The following MIEF1 variants were observed in gnomAD, a reference collection of about 807,000 sequenced individuals.
MIEF1 encodes the protein mitochondrial dynamics protein MIEF1.
Under a neutral mutation model 35.1 loss-of-function variants are expected in MIEF1, and 14 were observed. That is an observed-to-expected ratio of 0.40 (90% confidence interval 0.26 to 0.62). The LOEUF (loss-of-function observed/expected upper bound fraction) is 0.62. Among genes scored for constraint, MIEF1 ranks in the 20% least tolerant of loss-of-function variants. MIEF1 has a pLI of 0.43. For missense variants in MIEF1, 542 were observed against 615.4 expected, an observed-to-expected ratio of 0.88 and a Z score of 1.26; for synonymous variants, 245 against 254.3, an observed-to-expected ratio of 0.96 and a Z score of 0.35.
chr22:39,513,950 G>A lies in MIEF1; in HGVS notation c.1019G>A (p.Ser340Asn). 6.2e-7 allele frequency: 1 copy of A among 1,613,362 alleles called. No homozygotes were observed. Among genetic ancestry groups the A allele is most frequent in the Non-Finnish European group, 8.5e-7 (1 of 1,180,018 alleles). Reference protein sequence around the residue: ...LAQYDNLWRLSLRPAETARLR... With the variant: ...LAQYDNLWRLNLRPAETARLR... Reference sequence around the variant, plus strand: ...CAGTATGACAACCTGTGGCGGCTGAGCCTGCGTCCCGCGGAGACGGCACGC... The same window carrying A: ...CAGTATGACAACCTGTGGCGGCTGAACCTGCGTCCCGCGGAGACGGCACGC... Residue 340 changes from serine (S) to asparagine (N), a missense_variant, in exon 6 of 6, where the codon AGC (serine) becomes AAC (asparagine). Ser to Asn is a conservative substitution (Grantham distance 46). Transcript: ENST00000325301.
chr22:39,512,649 ATTC>A lies in MIEF1; in HGVS notation c.585+158_585+160del, dbSNP rs1930416199. ...CAGCATTTGGAGATCCATGCTTGTT[ATTC>A]TTTTTTTTTTTTGAGACGGAGTCTC... On this transcript the variant is annotated intron_variant, in intron 5 of 5. Coordinates refer to ENST00000325301, the MANE Select transcript of MIEF1 (RefSeq NM_019008.6). Among the ~76,000 whole-genome samples the A allele has an allele frequency of 2.0e-5, 3 of 151,718 alleles. No individual in the cohort carries two copies. In the South Asian group the frequency reaches 6.2e-4, roughly 31 times the overall value.
chr22:39,503,192 T>TG (rs1180016994), intron 1 of MIEF1: 1 of 152,124 alleles, frequency 6.6e-6, no homozygotes, highest in Non-Finnish European at 1.5e-5. Flanking sequence ...CAGGCAGAGT[T>TG]GGGGTCAGGA....
chr22:39,511,541 T>C, intron 3 of MIEF1, 103 bp downstream of exon 3: 1 of 1,422,534 alleles, frequency 7.0e-7, no homozygotes, highest in South Asian at 1.6e-5. Flanking sequence ...GAGGAAATGA[T>C]CGCAATGATA....
intron 2 of MIEF1, among the ~76,000 whole-genome samples, chr22:39,510,259 A>G (rs1323283017): frequency 6.6e-6 from 1 of 151,506 alleles, no homozygotes; most frequent in African/African-American, 2.4e-5. Context: ...TGCCCGGCCC[A>G]TTTTGTTTTT....
At chr22:39,504,159 TTA>T (rs1255014656) in intron 1 of MIEF1, 42 bp from the exon 2 acceptor site, 1 of 398,514 alleles carries the variant, frequency 2.5e-6, no homozygotes, top group Admixed American at 4.4e-5. Flanking sequence ...CCTTTTGTTA[TTA>T]ATTCTGATAC....
intron 2 of MIEF1, among the ~76,000 whole-genome samples, chr22:39,510,871 G>A (rs752239104): frequency 1.9e-4 from 29 of 149,036 alleles, no homozygotes; most frequent in Non-Finnish European, 3.4e-4. Context: ...CTGTGAAGGG[G>A]TAGAGACCTG....
At position 39,504,404 on chromosome 22, in the gene MIEF1, C is replaced by T. The variant is rs539322603; in HGVS notation, c.-138C>T. 55 of 398,984 alleles carry T rather than the reference C, an allele frequency of 1.4e-4. No individual in the cohort carries two copies. Among genetic ancestry groups the T allele is most frequent in the African/African-American group, 1.0e-3 (51 of 48,714 alleles). 24.7% of individuals were successfully genotyped at this position (398,984 alleles called of 1,614,324 possible). On this transcript the variant is annotated 5_prime_UTR_variant, in exon 2 of 6. Coordinates refer to ENST00000325301, the MANE Select transcript of MIEF1 (RefSeq NM_019008.6). The stretch of plus-strand genomic sequence containing the variant: ...CCCGGGAGAGGCAGCTGGAGAAGGG[C>T]CTGGTCTTTCTCAACGGCAAATTGG...
In MIEF1 at chr22:39,514,611, C is replaced by T; in HGVS notation, c.*288C>T. 2.2e-6 allele frequency: 1 copy of T among 451,628 alleles called. No individual in the cohort carries two copies. The highest frequency in any genetic ancestry group is 4.0e-6 in the Non-Finnish European group (1 of 249,862). 28.0% of individuals were successfully genotyped at this position (451,628 alleles called of 1,614,324 possible). On this transcript the variant is annotated 3_prime_UTR_variant, in exon 6 of 6. Coordinates refer to ENST00000325301, the MANE Select transcript of MIEF1 (RefSeq NM_019008.6). Reference sequence around the variant, plus strand: ...TGGCGTGCTGGCCTGAGCTGATGGACCACTTGGTGTTTTGCGTTTTGGCCC... The same window carrying T: ...TGGCGTGCTGGCCTGAGCTGATGGATCACTTGGTGTTTTGCGTTTTGGCCC...
intron 2 of MIEF1, among the ~76,000 whole-genome samples, chr22:39,507,120 T>G (rs1930053005): frequency 6.6e-6 from 1 of 152,204 alleles, no homozygotes; most frequent in Admixed American, 6.5e-5. Context: ...TGAATTAACT[T>G]TTCAAGTAAG....
rs900775565 is a variant in MIEF1 at position 39,504,223 on chromosome 22, A to G, written c.-319A>G. On this transcript the variant is annotated 5_prime_UTR_variant, in exon 2 of 6. Transcript: ENST00000325301. ...TATAGTGTGACACCCAGCCCCTGCC[A>G]GTCCCCCATGGCCCCGTGGAGCCGA... is the stretch of plus-strand genomic sequence containing the variant. 3.0e-5 allele frequency: 12 copies of G among 399,332 alleles called. No homozygotes were observed. The highest frequency in any genetic ancestry group is 5.3e-5 in the Non-Finnish European group (12 of 226,374). The allele number at this position is 399,332 out of a possible 1,614,324, so 24.7% of individuals were successfully genotyped here. A position where few individuals can be genotyped will look rare whatever the true frequency, so the allele number is the denominator to read the frequency against.
chr22:39,515,377 G>T lies in MIEF1; in HGVS notation c.*1054G>T. The T allele has an allele frequency of 1.4e-6, 1 of 716,154 alleles. No individual in the cohort carries two copies. The highest frequency in any genetic ancestry group is 1.5e-5 in the South Asian group (1 of 67,428). The allele number at this position is 716,154 out of a possible 1,614,324, so 44.4% of individuals were successfully genotyped here. A position where few individuals can be genotyped will look rare whatever the true frequency, so the allele number is the denominator to read the frequency against. The stretch of plus-strand genomic sequence containing the variant: ...CAGACAGGCCCTGCTTTTCTAGGAT[G>T]TGGCCTTAGAGCAAGAACAGACCCA... On this transcript the variant is annotated 3_prime_UTR_variant, in exon 6 of 6. Coordinates refer to ENST00000325301, the MANE Select transcript of MIEF1 (RefSeq NM_019008.6).
intron 2 of MIEF1, among the ~76,000 whole-genome samples, chr22:39,506,251 C>T (rs1930009571): frequency 1.3e-5 from 2 of 152,206 alleles, no homozygotes; most frequent in South Asian, 2.1e-4. Flanking sequence ...CACTGCACAC[C>T]CTGGGGATGC....
chr22:39,503,818 C>G lies in MIEF1; in HGVS notation c.-339-385C>G, dbSNP rs1403656782. The G allele has an allele frequency of 1.9e-5, 3 of 154,478 alleles. No individual in the cohort carries two copies. In the Admixed American group the frequency reaches 2.0e-4, roughly 10 times the overall value. The allele number at this position is 154,478 out of a possible 1,614,324, so 9.6% of individuals were successfully genotyped here. A position where few individuals can be genotyped will look rare whatever the true frequency, so the allele number is the denominator to read the frequency against. On this transcript the variant is annotated intron_variant, in intron 1 of 5. Transcript: ENST00000325301. ...TGTCTTCAACCCTCCTAGATCACCC[C>G]CTGTGGTGAAGTTCTATTACCGTTC...
intron 2 of MIEF1, among the ~76,000 whole-genome samples, chr22:39,506,050 C>G (rs965510618): frequency 2.6e-5 from 4 of 152,170 alleles, no homozygotes; most frequent in Non-Finnish European, 1.5e-5. Flanking sequence ...GGGAGCCTGT[C>G]TGCACAGGGA....
rs775059044 is a variant in MIEF1, at chr22:39,512,457, A to T, written c.548A>T (p.Asp183Val). Residue 183 changes from aspartate (D) to valine (V), a missense_variant, in exon 5 of 6, where the codon GAC becomes GTC. Asp to Val is a radical substitution (Grantham distance 152, BLOSUM62 -3). Transcript: ENST00000325301. The part of the protein sequence containing the change: ...RAKLPDMPLR[D>V]MYLSGSLYDD... The stretch of plus-strand genomic sequence containing the variant: ...AAGTTGCCTGACATGCCGCTTCGGG[A>T]CATGTACTTGAGTGGCAGCCTCTAC... 1.1e-5 allele frequency: 17 copies of T among 1,613,822 alleles called. No homozygotes were observed. The highest frequency in any genetic ancestry group is 1.4e-5 in the Non-Finnish European group (16 of 1,179,964).
intron 5 of MIEF1, 150 bp downstream of exon 5, chr22:39,512,644 T>C: frequency 9.0e-7 from 1 of 1,107,000 alleles, no homozygotes; most frequent in African/African-American, 1.6e-5. Flanking sequence ...AGATCCATGC[T>C]TGTTATTCTT....
In MIEF1 at chr22:39,517,937, G is replaced by C. The variant is rs1930764868; in HGVS notation, c.*3614G>C. On this transcript the variant is annotated 3_prime_UTR_variant, in exon 6 of 6. Coordinates refer to ENST00000325301, the MANE Select transcript of MIEF1 (RefSeq NM_019008.6). ...TTGCCTGCCCGCAGTGGTGGTGGAT[G>C]TGTTAGCTGGTAGATTTGGAATCAG... 1 of 211,158 alleles carries C rather than the reference G, an allele frequency of 4.7e-6. No individual in the cohort carries two copies. The highest frequency in any genetic ancestry group is 5.6e-5 in the Admixed American group (1 of 17,966). 13.1% of individuals were successfully genotyped at this position (211,158 alleles called of 1,614,324 possible).
intron 2 of MIEF1, among the ~76,000 whole-genome samples, chr22:39,508,318 T>C (rs1392584010): frequency 2.0e-5 from 3 of 152,216 alleles, no homozygotes; most frequent in Non-Finnish European, 4.4e-5. Context: ...AGCACCACCT[T>C]GCTCTCACCA....
chr22:39,507,224 G>A (rs946939076), intron 2 of MIEF1, among the ~76,000 whole-genome samples: 1 of 152,106 alleles, frequency 6.6e-6, no homozygotes. Context: ...TGGGCGGGGG[G>A]TGCCTATTGC....
Sources: allele counts gnomAD v4.1 joint callset (sites outside exome capture counted in the v4.1 genomes callset), GRCh38; gene constraint gnomAD v4.1.1; transcripts MANE v1.5; gene names NCBI Gene and HGNC (gene_info 2026-07-23, HGNC 2026-07-21).